Variants in EDN1 observed in about 807,000 individuals in gnomAD.
EDN1 encodes endothelin 1.
Under a neutral mutation model 21.7 loss-of-function variants are expected in EDN1, and 11 were observed. The observed-to-expected ratio is 0.51, with a 90% CI of 0.32 to 0.84. The LOEUF is 0.84. Ranked by LOEUF, EDN1 falls within the 40% of genes least tolerant of loss-of-function variation. EDN1 has a pLI of 0.03. For synonymous variants in EDN1, 85 were observed against 90.6 expected (o/e 0.94, Z 0.35); for missense variants, 244 against 262.3 (o/e 0.93, Z 0.48).
At chr6:12,290,132 T>C (rs1023441147), upstream of EDN1, among the ~76,000 whole-genome samples, 1 of 152,118 alleles carries the variant, frequency 6.6e-6, no homozygotes, top group African/African-American at 2.4e-5. Context: ...AGGTCTCTAA[T>C]GGGTATTTTC....
chr6:12,242,623 G>C, the EDN1 span, among the ~76,000 whole-genome samples: 2 of 152,180 alleles, frequency 1.3e-5, no homozygotes, highest in African/African-American at 4.8e-5. Context: ...ATAGTGAGGT[G>C]CTAGTTACAC....
the EDN1 span, among the ~76,000 whole-genome samples, chr6:12,238,172 A>AAC: frequency 2.6e-5 from 1 of 38,276 alleles, no homozygotes; most frequent in Non-Finnish European, 5.6e-5. Context: ...ACTCTATCTC[A>AAC]AAAAAAAAAA....
chr6:12,280,853 A>C, the EDN1 span, among the ~76,000 whole-genome samples: 13 of 152,340 alleles, frequency 8.5e-5, no homozygotes, highest in South Asian at 2.7e-3. Flanking sequence ...AGAACATGCC[A>C]CTGCACTCCA....
At chr6:12,287,708 TCTCTCACACACA>T (rs750918571), upstream of EDN1, among the ~76,000 whole-genome samples, 155 of 76,170 alleles carry the variant, frequency 2.0e-3, no homozygotes, top group Middle Eastern at 0.012. Context: ...TCTCTCTCTC[TCTCTCACACACA>T]CACACACACA....
intron 4 of EDN1, among the ~76,000 whole-genome samples, chr6:12,295,686 A>G (rs567774497): frequency 6.6e-6 from 1 of 152,154 alleles, no homozygotes; most frequent in African/African-American, 2.4e-5. Flanking sequence ...AGAAACCAGA[A>G]CAACTCTAGT....
the EDN1 span, among the ~76,000 whole-genome samples, chr6:12,254,401 A>C: frequency 6.6e-6 from 1 of 152,040 alleles, no homozygotes; most frequent in African/African-American, 2.4e-5. Context: ...TCGAGTTCCT[A>C]TTCTGAGTGT....
chr6:12,296,263 A>T lies in EDN1; in HGVS notation c.*196A>T. 1 of 578,014 alleles carries T rather than the reference A, an allele frequency of 1.7e-6. No homozygotes were observed. The highest frequency in any genetic ancestry group is 3.2e-6 in the Non-Finnish European group (1 of 316,346). The allele number at this position is 578,014 out of a possible 1,614,324, so 35.8% of individuals were successfully genotyped here. On this transcript the variant is annotated 3_prime_UTR_variant, in exon 5 of 5. Transcript: ENST00000379375. ...CCAACCATCTTCACTGGCTTCCATCAGTGGTAACTGCTTTGGTCTCTTCTT... is the reference window on the plus strand; with the variant it reads ...CCAACCATCTTCACTGGCTTCCATCTGTGGTAACTGCTTTGGTCTCTTCTT...
intron 2 of EDN1, 103 bp from the exon 3 acceptor site, chr6:12,293,838 T>C (rs912028745): frequency 4.6e-6 from 6 of 1,305,734 alleles, no homozygotes; most frequent in African/African-American, 4.4e-5. Flanking sequence ...CCAAGTGCTA[T>C]GTGATGAGCT....
the EDN1 span, among the ~76,000 whole-genome samples, chr6:12,260,133 C>T: frequency 6.6e-6 from 1 of 151,956 alleles, no homozygotes; most frequent in Non-Finnish European, 1.5e-5. Flanking sequence ...ATATAAAAAA[C>T]TCTTAAAAAA....
At chr6:12,283,472 A>C in the EDN1 span, among the ~76,000 whole-genome samples, 1 of 152,200 alleles carries the variant, frequency 6.6e-6, no homozygotes, top group East Asian at 1.9e-4. Context: ...GTGGAGTTGG[A>C]GATTTGAACT....
chr6:12,291,014 T>C (rs1762666737), intron 1 of EDN1, among the ~76,000 whole-genome samples: 1 of 152,190 alleles, frequency 6.6e-6, no homozygotes, highest in African/African-American at 2.4e-5. Context: ...TAGTCAAATG[T>C]ATGTTTGTAA....
At chr6:12,264,748 A>G in the EDN1 span, among the ~76,000 whole-genome samples, 4 of 152,202 alleles carry the variant, frequency 2.6e-5, no homozygotes, top group African/African-American at 9.6e-5. Flanking sequence ...TCTAGACAGA[A>G]GGCGTGGCAT....
chr6:12,281,418 G>C, the EDN1 span, among the ~76,000 whole-genome samples: 13 of 151,242 alleles, frequency 8.6e-5, no homozygotes, highest in Admixed American at 5.3e-4. Flanking sequence ...TGATATGACT[G>C]TCTCCATCAT....
At chr6:12,287,688 C>CTCCCTCTCT (rs1762576755), upstream of EDN1, among the ~76,000 whole-genome samples, 1 of 112,602 alleles carries the variant, frequency 8.9e-6, no homozygotes, top group Non-Finnish European at 1.8e-5. Flanking sequence ...TCTCTCTCTC[C>CTCCCTCTCT]CTCTCTCTCT....
intron 2 of EDN1, 116 bp from the exon 3 acceptor site, chr6:12,293,825 C>A: frequency 8.6e-7 from 1 of 1,163,982 alleles, no homozygotes; most frequent in Non-Finnish European, 1.2e-6. Flanking sequence ...TGAAATGATG[C>A]TCCCAAGTGC....
chr6:12,270,553 A>G, the EDN1 span, among the ~76,000 whole-genome samples: 1 of 151,956 alleles, frequency 6.6e-6, no homozygotes, highest in Admixed American at 6.5e-5. Flanking sequence ...TTTCTGGAGC[A>G]TGTTTAATTT....
chr6:12,287,688 C>CCTCCCT (rs1554105603), upstream of EDN1, among the ~76,000 whole-genome samples: 197 of 112,634 alleles, frequency 1.7e-3, 4 homozygotes, highest in African/African-American at 6.3e-3. Flanking sequence ...TCTCTCTCTC[C>CCTCCCT]CTCTCTCTCT....
At chr6:12,285,045 C>A in the EDN1 span, among the ~76,000 whole-genome samples, 1 of 152,126 alleles carries the variant, frequency 6.6e-6, no homozygotes, top group Non-Finnish European at 1.5e-5. Flanking sequence ...CTGGCTATCA[C>A]ATTTTTCTGA....
chr6:12,243,422 G>C, the EDN1 span, among the ~76,000 whole-genome samples: 24 of 152,046 alleles, frequency 1.6e-4, no homozygotes, highest in South Asian at 4.8e-3. Context: ...AGGCACACTG[G>C]GGGTAACTAT....
Sources: gnomAD v4.1 joint callset for allele counts (sites outside exome capture counted in the v4.1 genomes callset) on GRCh38, gnomAD v4.1.1 for gene constraint, MANE v1.5 for transcripts, NCBI Gene and HGNC (gene_info 2026-07-23, HGNC 2026-07-21) for gene names.